The following C10orf90 variants were observed in gnomAD, a reference collection of about 807,000 sequenced individuals.
C10orf90 encodes (E2-independent) E3 ubiquitin-conjugating enzyme FATS.
C10orf90 carries 56 observed loss-of-function variants against 62.5 expected under a neutral mutation model. The observed-to-expected ratio is 0.90, with a 90% CI of 0.72 to 1.12. The LOEUF (loss-of-function observed/expected upper bound fraction) is 1.12, where lower values mean the gene tolerates loss of function less well. C10orf90 is among the 50% of genes most tolerant of loss of function. The pLI, the probability that C10orf90 is intolerant of heterozygous loss-of-function variation, is 0.00. For missense variants in C10orf90, 970 were observed against 880.4 expected (o/e 1.10, Z -1.29); for synonymous variants, 386 against 340.4 (o/e 1.13, Z -1.47).
intron 3 of C10orf90, among the ~76,000 whole-genome samples, chr10:126,508,188 AGAGT>A (rs1408177460): frequency 6.6e-6 from 1 of 151,462 alleles, no homozygotes; most frequent in African/African-American, 2.4e-5. Flanking sequence ...AGAGAGAGAG[AGAGT>A]GTGTGTGTGT....
At chr10:126,534,074 G>T (rs768806320) in intron 2 of C10orf90, among the ~76,000 whole-genome samples, 2 of 152,162 alleles carry the variant, frequency 1.3e-5, no homozygotes, top group Non-Finnish European at 2.9e-5. Flanking sequence ...GGAGGAATCT[G>T]CTCTTCCCTG....
intron 2 of C10orf90, among the ~76,000 whole-genome samples, chr10:126,620,475 G>A (rs577983598): frequency 6.6e-6 from 1 of 152,026 alleles, no homozygotes; most frequent in East Asian, 1.9e-4. Flanking sequence ...TAAAATTCAC[G>A]TTATCAATTG....
At chr10:126,580,620 TCCAGC>T in intron 2 of C10orf90, among the ~76,000 whole-genome samples, 1 of 145,724 alleles carries the variant, frequency 6.9e-6, no homozygotes, top group African/African-American at 2.6e-5. Flanking sequence ...GCCACTGCAC[TCCAGC>T]CTGGGCAACA....
At chr10:126,520,184 C>T (rs1308928294) in intron 2 of C10orf90, 1 of 152,322 alleles carries the variant, frequency 6.6e-6, no homozygotes, top group Non-Finnish European at 1.5e-5. Context: ...GGCTCTGCTC[C>T]ATTGCGTCAG....
intron 2 of C10orf90, among the ~76,000 whole-genome samples, chr10:126,611,539 A>G (rs1278026465): frequency 1.3e-5 from 2 of 152,208 alleles, no homozygotes; most frequent in Non-Finnish European, 2.9e-5. Flanking sequence ...GTAATTCTAC[A>G]TTTAACCTTT....
intron 7 of C10orf90, among the ~76,000 whole-genome samples, chr10:126,446,219 T>A (rs147715765): frequency 1.7e-3 from 261 of 152,022 alleles, no homozygotes; most frequent in African/African-American, 5.8e-3. Context: ...AAAGCTTATT[T>A]AAAAATGTAC....
intron 8 of C10orf90, among the ~76,000 whole-genome samples, chr10:126,428,733 A>C (rs1857401096): frequency 6.6e-6 from 1 of 152,172 alleles, no homozygotes; most frequent in Admixed American, 6.5e-5. Context: ...ATTTGGCTGA[A>C]ATTTTTCAGT....
intron 3 of C10orf90, among the ~76,000 whole-genome samples, chr10:126,510,458 C>T (rs78206900): frequency 0.017 from 2,621 of 152,242 alleles, 66 homozygotes; most frequent in African/African-American, 0.06. Flanking sequence ...ACTGGGTTAA[C>T]GAAACATGTC....
intron 4 of C10orf90, among the ~76,000 whole-genome samples, chr10:126,473,543 C>T (rs1372994881): frequency 6.6e-6 from 1 of 152,014 alleles, no homozygotes; most frequent in Admixed American, 6.6e-5. Flanking sequence ...GTCCTGGCAA[C>T]TACTTTATGA....
At chr10:126,513,710 C>A (rs79093238) in intron 3 of C10orf90, 138 bp downstream of exon 3, 1 of 597,134 alleles carries the variant, frequency 1.7e-6, no homozygotes. Flanking sequence ...ATCTATAGCA[C>A]GGTTAGATTG....
chr10:126,442,489 A>ATATATATATATATATATATC (rs1227930748), intron 7 of C10orf90, among the ~76,000 whole-genome samples: 1 of 102,142 alleles, frequency 9.8e-6, no homozygotes, highest in African/African-American at 4.0e-5. Flanking sequence ...ATATATATAT[A>ATATATATATATATATATATC]TATATATATA....
intron 2 of C10orf90, among the ~76,000 whole-genome samples, chr10:126,584,977 C>G (rs1844830895): frequency 6.6e-6 from 1 of 151,844 alleles, no homozygotes; most frequent in Non-Finnish European, 1.5e-5. Flanking sequence ...TTAGCTGTGG[C>G]CAATGCTCAG....
intron 7 of C10orf90, among the ~76,000 whole-genome samples, chr10:126,447,890 G>T (rs544383291): frequency 8.6e-5 from 13 of 151,856 alleles, no homozygotes; most frequent in Non-Finnish European, 1.5e-4. Context: ...CTCTGTTTCC[G>T]GGTTGGAGTG....
At chr10:126,627,299 C>G (rs1473927898) in intron 2 of C10orf90, among the ~76,000 whole-genome samples, 1 of 152,160 alleles carries the variant, frequency 6.6e-6, no homozygotes, top group Non-Finnish European at 1.5e-5. Flanking sequence ...TGCACCTGGC[C>G]TCTTTTTTCT....
chr10:126,457,758 G>A (rs1355485267), intron 7 of C10orf90, among the ~76,000 whole-genome samples: 1 of 152,160 alleles, frequency 6.6e-6, no homozygotes, highest in East Asian at 1.9e-4. Context: ...GTCTCCTGGT[G>A]CTGGCTTTGG....
intron 2 of C10orf90, among the ~76,000 whole-genome samples, chr10:126,555,856 A>C (rs1864759076): frequency 1.2e-5 from 1 of 85,126 alleles, no homozygotes; most frequent in African/African-American, 3.5e-5. Flanking sequence ...TGGTTAATTC[A>C]CTTCAGAAGT....
rs553404770 is a variant in C10orf90, at chr10:126,429,714, A to G, written c.2252+73T>C. 9.2e-5 allele frequency: 113 copies of G among 1,224,108 alleles called. 2 individuals carry two copies. The South Asian group carries it at 1.4e-3, about 15-fold the overall frequency. 75.8% of individuals were successfully genotyped at this position (1,224,108 alleles called of 1,614,324 possible). ...GACCTAGAAGCAGTGGTCCCATTGG[A>G]GGGCACCTGAAGCCATCAAACCACC... On this transcript the variant is annotated intron_variant, in intron 8 of 9. Coordinates refer to ENST00000488181, the MANE Select transcript of C10orf90 (RefSeq NM_001350921.2).
intron 7 of C10orf90, among the ~76,000 whole-genome samples, chr10:126,448,238 C>A (rs1390424775): frequency 6.6e-6 from 1 of 151,588 alleles, no homozygotes; most frequent in East Asian, 1.9e-4. Flanking sequence ...TTTGAAAATT[C>A]ATAGATATGT....
intron 2 of C10orf90, among the ~76,000 whole-genome samples, chr10:126,638,539 A>C (rs1188633438): frequency 1.3e-5 from 2 of 151,138 alleles, no homozygotes; most frequent in Non-Finnish European, 2.9e-5. Flanking sequence ...CATTCTGCCC[A>C]CTCCTCTACA....
Sources: gnomAD v4.1 joint callset for allele counts (sites outside exome capture counted in the v4.1 genomes callset) on GRCh38, gnomAD v4.1.1 for gene constraint, MANE v1.5 for transcripts, NCBI Gene and HGNC (gene_info 2026-07-23, HGNC 2026-07-21) for gene names.